The following TIMMDC1 variants were observed in gnomAD, a reference collection of about 807,000 sequenced individuals.
The protein encoded by TIMMDC1 is complex I assembly factor TIMMDC1, mitochondrial.
Under a neutral mutation model 32.6 loss-of-function variants are expected in TIMMDC1, and 25 were observed. That is an observed-to-expected ratio of 0.77 (90% CI 0.56 to 1.07). The LOEUF (loss-of-function observed/expected upper bound fraction) is 1.07. Ranked by LOEUF, TIMMDC1 falls within the 50% of genes least tolerant of loss-of-function variation. The pLI is 0.00. For synonymous variants in TIMMDC1, 130 were observed against 127.6 expected, an observed-to-expected ratio of 1.02 and a Z score of -0.13; for missense variants, 329 against 349.2, an observed-to-expected ratio of 0.94 and a Z score of 0.46.
In TIMMDC1 at chr3:119,498,684, G is replaced by A. The variant is rs2081842363; in HGVS notation, c.-50G>A. ...ACGCTCTCCCGCGGCACGTCCGCGA[G>A]GACTTGAAGTCCTGAGCGCTCAAGT... On this transcript the variant is annotated 5_prime_UTR_variant, in exon 1 of 7. Transcript: ENST00000494664. The A allele has an allele frequency of 6.4e-7, 1 of 1,568,952 alleles. No homozygotes were observed. The highest frequency in any genetic ancestry group is 8.7e-7 in the Non-Finnish European group (1 of 1,143,866).
chr3:119,506,302 C>A (rs986117415), intron 4 of TIMMDC1, among the ~76,000 whole-genome samples: 1 of 152,128 alleles, frequency 6.6e-6, no homozygotes, highest in African/African-American at 2.4e-5. Flanking sequence ...GTGGGCAGAT[C>A]GCTTGAGTAT....
intron 5 of TIMMDC1, among the ~76,000 whole-genome samples, chr3:119,516,035 A>C (rs1051998725): frequency 3.3e-5 from 5 of 152,212 alleles, no homozygotes; most frequent in Non-Finnish European, 5.9e-5. Flanking sequence ...TTGTAGTGTT[A>C]ATATACCAGT....
rs139024121 is a variant in TIMMDC1 at position 119,507,170 on chromosome 3, G to T, written c.517+3149G>T. Among the ~76,000 whole-genome samples, 39 of 152,278 alleles carry T rather than the reference G, an allele frequency of 2.6e-4. No homozygotes were observed. In the East Asian group the frequency reaches 6.7e-3, roughly 26 times the overall value. Reference sequence around the variant, plus strand: ...TCTGAACTTTCTGGATCTGTGGTTTGTTGTCTGACTTAATTTAGGATAAAT... The same window carrying T: ...TCTGAACTTTCTGGATCTGTGGTTTTTTGTCTGACTTAATTTAGGATAAAT... On this transcript the variant is annotated intron_variant, in intron 4 of 6. Transcript: ENST00000494664.
chr3:119,503,432 G>A (rs1273782654), intron 2 of TIMMDC1, 100 bp from the exon 3 acceptor site: 5 of 769,508 alleles, frequency 6.5e-6, no homozygotes, highest in Non-Finnish European at 1.0e-5. Flanking sequence ...CTGTTTGGGT[G>A]TACCTGACTA....
chr3:119,507,243 G>T (rs1421182843), intron 4 of TIMMDC1, among the ~76,000 whole-genome samples: 2 of 151,946 alleles, frequency 1.3e-5, no homozygotes, highest in African/African-American at 2.4e-5. Flanking sequence ...TTCTCCTTCT[G>T]GTGTTCTAGT....
rs942763951 is a variant in TIMMDC1, at chr3:119,523,734, T to C, written c.836T>C (p.Ile279Thr). 3 of 1,609,128 alleles carry C rather than the reference T, an allele frequency of 1.9e-6. No individual in the cohort carries two copies. The highest frequency in any genetic ancestry group is 3.4e-5 in the Admixed American group (2 of 58,904). Residue 279 changes from isoleucine to threonine, a missense_variant, in exon 7 of 7, where the codon ATA (isoleucine) becomes ACA (threonine). Transcript: ENST00000494664. ...LLNLPRNPSV[I>T]DKQDKD is the part of the protein sequence containing the mutation. Reference sequence around the variant, plus strand: ...AACCTTCCTAGAAACCCTTCAGTAATAGATAAACAAGACAAGGACTGAAAG... The same window carrying C: ...AACCTTCCTAGAAACCCTTCAGTAACAGATAAACAAGACAAGGACTGAAAG...
intron 4 of TIMMDC1, among the ~76,000 whole-genome samples, chr3:119,511,401 C>CG (rs1180788092): frequency 1.3e-5 from 2 of 151,542 alleles, no homozygotes; most frequent in Non-Finnish European, 2.9e-5. Flanking sequence ...AGCTTGAACC[C>CG]GGGAGGCAGA....
At position 119,523,914 on chromosome 3, in the gene TIMMDC1, A is replaced by G. The variant is rs1577104800; in HGVS notation, c.*158A>G. On this transcript the variant is annotated 3_prime_UTR_variant, in exon 7 of 7. Coordinates refer to ENST00000494664, the MANE Select transcript of TIMMDC1 (RefSeq NM_016589.4). ...GCTCTTGTCTTTTTCTTTTCTTTTT[A>G]ACTAAGAATGGGGCTGTTGTACTCT... The G allele has an allele frequency of 1.7e-6, 1 of 593,494 alleles. No homozygotes were observed. The highest frequency in any genetic ancestry group is 2.8e-6 in the Non-Finnish European group (1 of 361,418). The allele number at this position is 593,494 out of a possible 1,614,324, so 36.8% of individuals were successfully genotyped here.
rs780730808 is a variant in TIMMDC1 at position 119,498,865 on chromosome 3, C to T, written c.132C>T (p.Tyr44=). 2.5e-6 allele frequency: 4 copies of T among 1,614,056 alleles called. 1 individual carries two copies. In the South Asian group the frequency reaches 4.4e-5, roughly 18 times the overall value. Residue 44 remains tyrosine (Y), a synonymous_variant, in exon 1 of 7, where the codon TAC becomes TAT. Coordinates refer to ENST00000494664, the MANE Select transcript of TIMMDC1 (RefSeq NM_016589.4). ...VLEERQKRLP[Y]VPEPYYPESG... ...AGGAGCGTCAGAAGCGGCTTCCCTA[C>T]GTCCCAGAGCCCTATTACCCGGAAT...
chr3:119,502,476 C>A lies in TIMMDC1; in HGVS notation c.361-1056C>A, dbSNP rs112844928. 2.8e-3 allele frequency among the ~76,000 whole-genome samples: 11 copies of A among 3,912 alleles called. No homozygotes were observed. In the East Asian group the frequency reaches 0.085, roughly 30 times the overall value. The allele number at this position is 3,912 out of a possible 152,430, so 2.6% of individuals were successfully genotyped here. On this transcript the variant is annotated intron_variant, in intron 2 of 6. Coordinates refer to ENST00000494664, the MANE Select transcript of TIMMDC1 (RefSeq NM_016589.4). ...GAGTCCTCAGCTCAAGCAGTTCACC[C>A]CCTCCTTGGCCTCCCAAAGGGTTGG... is the stretch of plus-strand genomic sequence containing the variant.
At chr3:119,509,251 A>G (rs1442534808) in intron 4 of TIMMDC1, among the ~76,000 whole-genome samples, 4 of 152,166 alleles carry the variant, frequency 2.6e-5, no homozygotes, top group African/African-American at 7.2e-5. Flanking sequence ...CAGCAATTCC[A>G]TGTCTTAGAA....
chr3:119,509,474 A>G (rs1313413482), intron 4 of TIMMDC1, among the ~76,000 whole-genome samples: 1 of 152,174 alleles, frequency 6.6e-6, no homozygotes, highest in East Asian at 1.9e-4. Flanking sequence ...CATTAAGTGA[A>G]AAAAGCTAGA....
intron 5 of TIMMDC1, among the ~76,000 whole-genome samples, chr3:119,514,377 AC>A (rs2081972685): frequency 7.9e-5 from 12 of 152,268 alleles, no homozygotes; most frequent in African/African-American, 2.6e-4. Flanking sequence ...ACCTCATGAT[AC>A]TTCACCCCCA....
At chr3:119,506,824 A>G (rs1236413304) in intron 4 of TIMMDC1, among the ~76,000 whole-genome samples, 1 of 152,176 alleles carries the variant, frequency 6.6e-6, no homozygotes, top group East Asian at 1.9e-4. Context: ...CTTTCACTTT[A>G]CAATCTCCTC....
chr3:119,519,850 A>T (rs1275204823), intron 6 of TIMMDC1, among the ~76,000 whole-genome samples: 1 of 152,184 alleles, frequency 6.6e-6, no homozygotes, highest in Non-Finnish European at 1.5e-5. Context: ...GATAAACCAT[A>T]TGTTAGGCTA....
rs548267888 is a variant in TIMMDC1 at position 119,523,674 on chromosome 3, C to G, written c.776C>G (p.Pro259Arg). Residue 259 changes from proline (P) to arginine (R), a missense_variant, in exon 7 of 7, where the codon CCT (proline) becomes CGT (arginine). Pro to Arg is a moderately radical substitution (Grantham distance 103). Coordinates refer to ENST00000494664, the MANE Select transcript of TIMMDC1 (RefSeq NM_016589.4). Reference protein sequence around the residue: ...KIESSLQEDEPENDAKKIEAL... With the variant: ...KIESSLQEDERENDAKKIEAL... The stretch of plus-strand genomic sequence containing the variant: ...GAAAGTAGTTTACAGGAAGATGAAC[C>G]TGAGAATGATGCTAAGAAAATTGAA... 3 of 1,613,544 alleles carry G rather than the reference C, an allele frequency of 1.9e-6. No homozygotes were observed. The South Asian group carries it at 3.3e-5, about 18-fold the overall frequency.
At position 119,498,607 on chromosome 3, in the gene TIMMDC1, C is replaced by G. The variant is rs2081841412; in HGVS notation, c.-127C>G. 10 of 915,016 alleles carry G rather than the reference C, an allele frequency of 1.1e-5. No individual in the cohort carries two copies. Among genetic ancestry groups the G allele is most frequent in the Non-Finnish European group, 1.7e-5 (10 of 596,554 alleles). The allele number at this position is 915,016 out of a possible 1,614,324, so 56.7% of individuals were successfully genotyped here. On this transcript the variant is annotated 5_prime_UTR_variant, in exon 1 of 7. Transcript: ENST00000494664. The stretch of plus-strand genomic sequence containing the variant: ...ACTGAAGGTGTGGGTGTCGAGCCCT[C>G]TGGCAGAGGGTTAACCTGGGTCAAA...
intron 1 of TIMMDC1, 46 bp downstream of exon 1, chr3:119,498,973 G>C (rs2081846804): frequency 1.1e-5 from 18 of 1,592,748 alleles, no homozygotes; most frequent in Non-Finnish European, 1.5e-5. Context: ...CCGCGAAAGC[G>C]GTGTCCTGCA....
rs2081880659 is a variant in TIMMDC1, at chr3:119,502,102, TA to T, written c.360+1245del. Among the ~76,000 whole-genome samples the T allele has an allele frequency of 2.0e-5, 3 of 152,240 alleles. No individual in the cohort carries two copies. In the South Asian group the frequency reaches 6.2e-4, roughly 32 times the overall value. On this transcript the variant is annotated intron_variant, in intron 2 of 6. Transcript: ENST00000494664. Reference sequence around the variant, plus strand: ...ACTTGTTAGTTCCTTTGAGACTATGTAAATATCCTGCTTTTCATCAAATTTC... The same window carrying T: ...ACTTGTTAGTTCCTTTGAGACTATGTAATATCCTGCTTTTCATCAAATTTC...
Sources: gnomAD v4.1 joint callset for allele counts (sites outside exome capture counted in the v4.1 genomes callset) on GRCh38, gnomAD v4.1.1 for gene constraint, MANE v1.5 for transcripts, NCBI Gene and HGNC (gene_info 2026-07-23, HGNC 2026-07-21) for gene names.